Variants in ARPC5L observed in about 807,000 individuals in gnomAD.
ARPC5L encodes the protein actin related protein 2/3 complex subunit 5 like.
Under a neutral mutation model 16.9 loss-of-function variants are expected in ARPC5L, and 4 were observed. The ratio of observed to expected loss-of-function variants is 0.24; its 90% confidence interval spans 0.12 to 0.54. ARPC5L has a LOEUF of 0.54. Among genes scored for constraint, ARPC5L ranks in the 20% least tolerant of loss-of-function variants. The probability of loss-of-function intolerance (pLI) is 0.95; values close to 1 mark genes in which losing one functional copy is unlikely to be tolerated. For missense variants in ARPC5L, 151 were observed against 201.9 expected (o/e 0.75, Z 1.53); for synonymous variants, 78 against 82.6 (o/e 0.94, Z 0.30).
At chr9:124,867,522 C>T (rs1396362881) in intron 2 of ARPC5L, among the ~76,000 whole-genome samples, 1 of 152,154 alleles carries the variant, frequency 6.6e-6, no homozygotes, top group Non-Finnish European at 1.5e-5. Context: ...TCAGCCCTGA[C>T]ATCGTATAAT....
rs1459746099 is a variant in ARPC5L at position 124,877,437 on chromosome 9, T to C, written c.*497T>C. ...TATACATTGCGGTGTGTTTCGTGTA[T>C]GTAAAAAAAAATGGTAATGAATGGG... is the stretch of plus-strand genomic sequence containing the variant. On this transcript the variant is annotated 3_prime_UTR_variant, in exon 6 of 6. Transcript: ENST00000353214. 6.5e-6 allele frequency: 1 copy of C among 153,260 alleles called. No individual in the cohort carries two copies. The highest frequency in any genetic ancestry group is 2.4e-5 in the African/African-American group (1 of 41,382). The allele number at this position is 153,260 out of a possible 1,614,324, so 9.5% of individuals were successfully genotyped here. A position where few individuals can be genotyped will look rare whatever the true frequency, so the allele number is the denominator to read the frequency against.
chr9:124,874,933 C>T lies in ARPC5L; in HGVS notation c.223-42C>T, dbSNP rs750682192. 5.6e-6 allele frequency: 9 copies of T among 1,611,026 alleles called. No individual in the cohort carries two copies. In the Admixed American group the frequency reaches 1.5e-4, roughly 27 times the overall value. On this transcript the variant is annotated intron_variant, in intron 4 of 5. Coordinates refer to ENST00000353214, the MANE Select transcript of ARPC5L (RefSeq NM_030978.3). ...TGGTGTGGGGCATGGCATGGCGGTGCCTTCGCAGCTCTGGGACTCACTTGC... is the reference window on the plus strand; with the variant it reads ...TGGTGTGGGGCATGGCATGGCGGTGTCTTCGCAGCTCTGGGACTCACTTGC...
chr9:124,875,281 C>A (rs1403161365), intron 5 of ARPC5L, 130 bp downstream of exon 5: 1 of 1,032,598 alleles, frequency 9.7e-7, no homozygotes, highest in Non-Finnish European at 1.4e-6. Flanking sequence ...CGAGCCCCAA[C>A]CTGGGACATG....
In ARPC5L at chr9:124,877,227, C is replaced by T; in HGVS notation, c.*287C>T. The T allele has an allele frequency of 2.8e-6, 1 of 361,808 alleles. No homozygotes were observed. Among genetic ancestry groups the T allele is most frequent in the South Asian group, 3.3e-5 (1 of 30,522 alleles). 22.4% of individuals were successfully genotyped at this position (361,808 alleles called of 1,614,324 possible). A position where few individuals can be genotyped will look rare whatever the true frequency, so the allele number is the denominator to read the frequency against. ...TGTTGGTCAGATGCACCTGTGTGCA[C>T]TGGGGGAGGGATGGTTTGGGCAGGT... On this transcript the variant is annotated 3_prime_UTR_variant, in exon 6 of 6. Coordinates refer to ENST00000353214, the MANE Select transcript of ARPC5L (RefSeq NM_030978.3).
intron 2 of ARPC5L, among the ~76,000 whole-genome samples, chr9:124,866,194 A>G (rs1829268553): frequency 1.3e-5 from 2 of 152,110 alleles, no homozygotes; most frequent in South Asian, 4.1e-4. Flanking sequence ...ACCTGAGGTC[A>G]GGAGTTTGAA....
At chr9:124,863,429 G>A (rs1365006751) in intron 1 of ARPC5L, among the ~76,000 whole-genome samples, 2 of 152,186 alleles carry the variant, frequency 1.3e-5, no homozygotes, top group African/African-American at 2.4e-5. Context: ...TTACAGGTGT[G>A]AGCCACTGCG....
chr9:124,877,180 G>C lies in ARPC5L; in HGVS notation c.*240G>C, dbSNP rs1347373985. On this transcript the variant is annotated 3_prime_UTR_variant, in exon 6 of 6. Coordinates refer to ENST00000353214, the MANE Select transcript of ARPC5L (RefSeq NM_030978.3). Reference sequence around the variant, plus strand: ...AGTACTGCAGAACTGACATTTTGACGGTCTACCAGCGTGGCGGCTGGTGTT... The same window carrying C: ...AGTACTGCAGAACTGACATTTTGACCGTCTACCAGCGTGGCGGCTGGTGTT... 4.2e-6 allele frequency: 2 copies of C among 479,790 alleles called. No individual in the cohort carries two copies. Among genetic ancestry groups the C allele is most frequent in the Non-Finnish European group, 7.4e-6 (2 of 271,196 alleles). 29.7% of individuals were successfully genotyped at this position (479,790 alleles called of 1,614,324 possible).
intron 3 of ARPC5L, among the ~76,000 whole-genome samples, chr9:124,869,852 C>G (rs954609821): frequency 6.6e-6 from 1 of 152,228 alleles, no homozygotes; most frequent in East Asian, 1.9e-4. Context: ...GGAGGTGAGC[C>G]GCATCTGAGT....
At position 124,873,668 on chromosome 9, in the gene ARPC5L, T is replaced by C. The variant is rs200713945; in HGVS notation, c.150-24T>C. 1.4e-5 allele frequency: 23 copies of C among 1,614,064 alleles called. No homozygotes were observed. The East Asian group carries it at 5.1e-4, about 36-fold the overall frequency. ...CGGCATGGATGTGCTTGAGCCTAGC[T>C]ATCCTTAACTGGTGGTGATGCACAG... On this transcript the variant is annotated intron_variant, in intron 3 of 5. Transcript: ENST00000353214.
chr9:124,873,411 GAGCACAATCCAATTTTACATCA>G, intron 3 of ARPC5L: 1 of 486,874 alleles, frequency 2.1e-6, no homozygotes, highest in Non-Finnish European at 3.8e-6. Context: ...AGGTGCAAGT[GAGCACAATCCAATTTTACATCA>G]AGTTACCCCT....
chr9:124,869,877 G>T (rs554012618), intron 3 of ARPC5L, among the ~76,000 whole-genome samples: 2 of 152,380 alleles, frequency 1.3e-5, no homozygotes, highest in African/African-American at 4.8e-5. Context: ...GAGTGATCGG[G>T]GAGGCTGGGG....
rs1302335701 is a variant in ARPC5L at position 124,869,203 on chromosome 9, C to A, written c.-88C>A. On this transcript the variant is annotated 5_prime_UTR_variant, in exon 3 of 6. Transcript: ENST00000353214. Reference sequence around the variant, plus strand: ...CTGGGAGCAGCCGGGCAGCCGCTTCCCGCCCCCGAGCAGGAGCCGGTGCGA... The same window carrying A: ...CTGGGAGCAGCCGGGCAGCCGCTTCACGCCCCCGAGCAGGAGCCGGTGCGA... The A allele has an allele frequency of 2.3e-6, 3 of 1,330,118 alleles. No homozygotes were observed. The highest frequency in any genetic ancestry group is 2.9e-6 in the Non-Finnish European group (3 of 1,032,220). The allele number at this position is 1,330,118 out of a possible 1,614,324, so 82.4% of individuals were successfully genotyped here. A position where few individuals can be genotyped will look rare whatever the true frequency, so the allele number is the denominator to read the frequency against.
chr9:124,876,474 G>A (rs747145573), intron 5 of ARPC5L, among the ~76,000 whole-genome samples: 3 of 152,140 alleles, frequency 2.0e-5, no homozygotes, highest in Non-Finnish European at 4.4e-5. Flanking sequence ...TGACAAGAGC[G>A]AAACTCCGTC....
intron 5 of ARPC5L, 85 bp from the exon 6 acceptor site, chr9:124,876,793 G>C (rs1829446559): frequency 6.5e-6 from 7 of 1,076,020 alleles, no homozygotes; most frequent in Admixed American, 2.2e-5. Context: ...CTAGGTCAGG[G>C]AATGTCCCCC....
chr9:124,874,253 G>A (rs918526007), intron 4 of ARPC5L, among the ~76,000 whole-genome samples: 1 of 152,242 alleles, frequency 6.6e-6, no homozygotes, highest in Non-Finnish European at 1.5e-5. Context: ...TGTCACCAGT[G>A]GCTGCACCTT....
chr9:124,867,290 C>T (rs1446986827), intron 2 of ARPC5L, among the ~76,000 whole-genome samples: 2 of 151,940 alleles, frequency 1.3e-5, no homozygotes, highest in African/African-American at 4.8e-5. Flanking sequence ...TACAGGTGTG[C>T]GCCATCATGC....
chr9:124,871,356 A>G (rs745529668), intron 3 of ARPC5L, among the ~76,000 whole-genome samples: 27 of 152,340 alleles, frequency 1.8e-4, no homozygotes, highest in Non-Finnish European at 3.4e-4. Flanking sequence ...CGTGGCGGAC[A>G]GCCATGCTGG....
chr9:124,876,467 CAA>C (rs999740176), intron 5 of ARPC5L, among the ~76,000 whole-genome samples: 3 of 152,208 alleles, frequency 2.0e-5, no homozygotes, highest in Admixed American at 6.5e-5. Flanking sequence ...GCCTGGGTGA[CAA>C]GAGCGAAACT....
chr9:124,875,476 T>G (rs1223262062), intron 5 of ARPC5L, among the ~76,000 whole-genome samples: 2 of 152,180 alleles, frequency 1.3e-5, no homozygotes, highest in Non-Finnish European at 2.9e-5. Flanking sequence ...GAAGGGGGCC[T>G]GCTGGTTGGT....
Sources: allele counts gnomAD v4.1 joint callset (sites outside exome capture counted in the v4.1 genomes callset), GRCh38; gene constraint gnomAD v4.1.1; transcripts MANE v1.5; gene names NCBI Gene and HGNC (gene_info 2026-07-23, HGNC 2026-07-21).